The following NMS variants were observed in gnomAD, a reference collection of about 807,000 sequenced individuals.
The protein encoded by NMS is neuromedin S, also known as neuromedin-S.
In NMS, 30 loss-of-function variants were observed where a neutral mutation model predicts 32.2. The ratio of observed to expected loss-of-function variants is 0.93; its 90% CI spans 0.70 to 1.26. The LOEUF (loss-of-function observed/expected upper bound fraction) is 1.26, where lower values mean the gene tolerates loss of function less well. NMS is among the 50% of genes most tolerant of loss of function. The pLI is 0.00. For missense variants in NMS, 190 were observed against 186.3 expected (o/e 1.02, Z -0.12); for synonymous variants, 76 against 58.5 (o/e 1.30, Z -1.37).
At chr2:100,473,251 G>A (rs1255087331) in intron 2 of NMS, among the ~76,000 whole-genome samples, 1 of 152,056 alleles carries the variant, frequency 6.6e-6, no homozygotes, top group African/African-American at 2.4e-5. Context: ...AATATCGATG[G>A]ATATTAAACA....
At position 100,481,126 on chromosome 2, in the gene NMS, G is replaced by A. The variant is rs770229478; in HGVS notation, c.373G>A (p.Asp125Asn). ...TGGCTTGTGTTTCTATATGTTGCAG[G>A]ATCACACTGCGACCTGGGGACGACC... ...GTAAVDFTKKDHTATWGRPFF... is the reference protein window; with the variant it reads ...GTAAVDFTKKNHTATWGRPFF... Residue 125 changes from aspartate to asparagine, a missense_variant and splice_region_variant, in exon 8 of 10, where the codon GAT becomes AAT. By Grantham distance (23) the Asp-to-Asn change is conservative. Transcript: ENST00000376865. The A allele has an allele frequency of 1.9e-6, 3 of 1,614,124 alleles. No individual in the cohort carries two copies. The highest frequency in any genetic ancestry group is 2.5e-6 in the Non-Finnish European group (3 of 1,179,990).
In NMS at chr2:100,471,659, C is replaced by T. The variant is rs530706520; in HGVS notation, c.76+1095C>T. ...GACTTTATGTTCCCTGAGGGTAAGT[C>T]TTTACGTTTTATTAGCAAAGAACCT... On this transcript the variant is annotated intron_variant, in intron 1 of 9. Coordinates refer to ENST00000376865, the MANE Select transcript of NMS (RefSeq NM_001011717.1). Among the ~76,000 whole-genome samples, 4 of 152,252 alleles carry T rather than the reference C, an allele frequency of 2.6e-5. No homozygotes were observed. The East Asian group carries it at 7.7e-4, about 29-fold the overall frequency.
intron 3 of NMS, among the ~76,000 whole-genome samples, chr2:100,475,841 A>T (rs1334210749): frequency 6.6e-6 from 1 of 152,012 alleles, no homozygotes; most frequent in Non-Finnish European, 1.5e-5. Context: ...TCTACTAAAA[A>T]TACAAAAGTT....
intron 8 of NMS, 67 bp from the exon 9 acceptor site, chr2:100,482,210 C>T (rs1677231782): frequency 1.7e-5 from 25 of 1,452,186 alleles, no homozygotes; most frequent in East Asian, 9.1e-5. Context: ...GAGAGAAGAG[C>T]GGAATCAAGA....
chr2:100,473,049 G>T (rs1677037546), intron 2 of NMS, among the ~76,000 whole-genome samples, 199 bp downstream of exon 2: 1 of 152,174 alleles, frequency 6.6e-6, no homozygotes, highest in African/African-American at 2.4e-5. Context: ...AGAAAATAAT[G>T]TGAGGTTCAG....
chr2:100,478,456 G>A (rs963846965), intron 5 of NMS, among the ~76,000 whole-genome samples: 30 of 151,936 alleles, frequency 2.0e-4, no homozygotes, highest in African/African-American at 7.3e-4. Flanking sequence ...TAAGGAGGGG[G>A]AATTTTTTTG....
intron 3 of NMS, among the ~76,000 whole-genome samples, chr2:100,474,433 C>A (rs1677067581): frequency 6.6e-6 from 1 of 152,196 alleles, no homozygotes; most frequent in East Asian, 1.9e-4. Flanking sequence ...CGTCCTTGCA[C>A]AATCTTTTCC....
intron 1 of NMS, among the ~76,000 whole-genome samples, chr2:100,471,285 A>G (rs1434794356): frequency 6.6e-6 from 1 of 152,226 alleles, no homozygotes; most frequent in African/African-American, 2.4e-5. Context: ...TTCCATTAGA[A>G]TTTTGACTTA....
intron 3 of NMS, among the ~76,000 whole-genome samples, chr2:100,476,338 G>T (rs1390394592): frequency 6.6e-6 from 1 of 152,160 alleles, no homozygotes; most frequent in Non-Finnish European, 1.5e-5. Context: ...AATGTTGGTG[G>T]ATTACAGTGT....
chr2:100,477,538 C>G (rs765338288), intron 5 of NMS, 124 bp downstream of exon 5: 12 of 676,912 alleles, frequency 1.8e-5, no homozygotes, highest in Non-Finnish European at 3.0e-5. Flanking sequence ...TGGGTAGTAG[C>G]TTCCCAGGGG....
At chr2:100,471,146 C>T (rs1209059810) in intron 1 of NMS, among the ~76,000 whole-genome samples, 1 of 152,164 alleles carries the variant, frequency 6.6e-6, no homozygotes, top group African/African-American at 2.4e-5. Context: ...ACTCTGAGAA[C>T]TAGCTTCTAG....
chr2:100,480,550 G>A lies in NMS; in HGVS notation c.372+19G>A, dbSNP rs371056428. ...CAAGAAGGTACACAAGAGCCTTGGA[G>A]ACTGCGACCCCCAAAGAAAGCCCTA... On this transcript the variant is annotated intron_variant, in intron 7 of 9. Coordinates refer to ENST00000376865, the MANE Select transcript of NMS (RefSeq NM_001011717.1). The A allele has an allele frequency of 2.2e-5, 35 of 1,612,264 alleles. No homozygotes were observed. The highest frequency in any genetic ancestry group is 2.8e-5 in the Non-Finnish European group (33 of 1,179,922).
intron 7 of NMS, 89 bp downstream of exon 7, chr2:100,480,620 C>A: frequency 7.6e-7 from 1 of 1,312,818 alleles, no homozygotes; most frequent in Non-Finnish European, 1.1e-6. Context: ...ACCCTGCAGC[C>A]CCTCCAGACC....
At position 100,481,381 on chromosome 2, in the gene NMS, A is replaced by G. The variant is rs1045733716; in HGVS notation, c.414+214A>G. Among the ~76,000 whole-genome samples the G allele has an allele frequency of 2.0e-5, 3 of 152,188 alleles. No individual in the cohort carries two copies. In the South Asian group the frequency reaches 6.2e-4, roughly 32 times the overall value. On this transcript the variant is annotated intron_variant, in intron 8 of 9. Coordinates refer to ENST00000376865, the MANE Select transcript of NMS (RefSeq NM_001011717.1). ...GTCCAACAGGAGAGAGGCTGAGAGC[A>G]CCAGAGTAGGCGTAAGGGAGTTCTT...
chr2:100,479,748 CTT>C (rs986164228), intron 6 of NMS, among the ~76,000 whole-genome samples: 3 of 152,340 alleles, frequency 2.0e-5, no homozygotes, highest in African/African-American at 7.2e-5. Context: ...TCCCCTGTCT[CTT>C]TCTCCTGACA....
rs760085359 is a variant in NMS, at chr2:100,481,076, C to T, written c.373-50C>T. ...TGTTCCTATAGACATTTTTGAAGAA[C>T]TTGTAATGCAATATGGTTGCATAAT... On this transcript the variant is annotated intron_variant, in intron 7 of 9. Coordinates refer to ENST00000376865, the MANE Select transcript of NMS (RefSeq NM_001011717.1). 5.6e-6 allele frequency: 9 copies of T among 1,595,464 alleles called. No individual in the cohort carries two copies. The East Asian group carries it at 1.3e-4, about 24-fold the overall frequency.
chr2:100,472,885 T>G, intron 2 of NMS, 35 bp downstream of exon 2: 1 of 1,401,736 alleles, frequency 7.1e-7, no homozygotes, highest in African/African-American at 1.4e-5. Flanking sequence ...GATTTTTGTT[T>G]AGTCTGGACC....
chr2:100,479,018 T>C (rs1677164471), intron 5 of NMS, among the ~76,000 whole-genome samples: 1 of 152,024 alleles, frequency 6.6e-6, no homozygotes, highest in African/African-American at 2.4e-5. Flanking sequence ...AGCTCACCCC[T>C]GGAGAGGGAG....
intron 9 of NMS, 140 bp from the exon 10 acceptor site, chr2:100,483,112 G>A: frequency 1.4e-6 from 1 of 718,442 alleles, no homozygotes; most frequent in Non-Finnish European, 2.4e-6. Context: ...CTGATTGTGG[G>A]GAAAGCAACC....
Sources: allele counts gnomAD v4.1 joint callset (sites outside exome capture counted in the v4.1 genomes callset), GRCh38; gene constraint gnomAD v4.1.1; transcripts MANE v1.5; gene names NCBI Gene and HGNC (gene_info 2026-07-23, HGNC 2026-07-21).